The following ADRA1A variants were observed in gnomAD, a reference collection of about 807,000 sequenced individuals.
ADRA1A encodes the protein alpha-1A adrenergic receptor.
A neutral mutation model predicts 29.6 loss-of-function variants in ADRA1A; 31 were observed. The ratio of observed to expected loss-of-function variants is 1.05; its 90% CI spans 0.79 to 1.41. ADRA1A has a LOEUF of 1.41. Ranked by LOEUF, ADRA1A falls within the 40% of genes most tolerant of loss-of-function variation. The probability of loss-of-function intolerance (pLI) is 0.00; values close to 1 mark genes in which losing one functional copy is unlikely to be tolerated. For missense variants in ADRA1A, 619 were observed against 601.1 expected (o/e 1.03, Z -0.31); for synonymous variants, 311 against 254.3 (o/e 1.22, Z -2.12).
intron 2 of ADRA1A, chr8:26,836,175 C>T: frequency 4.1e-6 from 1 of 244,136 alleles, no homozygotes; most frequent in Non-Finnish European, 8.9e-6. Flanking sequence ...GTTGGGGAAG[C>T]GTCTGTCAAA....
At chr8:26,857,283 T>C (rs114287086) in intron 2 of ADRA1A, among the ~76,000 whole-genome samples, 5,816 of 152,174 alleles carry the variant, frequency 0.038, 339 homozygotes, top group African/African-American at 0.13. Context: ...CATAGAATCA[T>C]GAGACATAGA....
chr8:26,866,204 G>A lies in ADRA1A; in HGVS notation c.-686-549C>T, dbSNP rs1457909205. Among the ~76,000 whole-genome samples, 1 of 152,206 alleles carries A rather than the reference G, an allele frequency of 6.6e-6. No individual in the cohort carries two copies. The highest frequency in any genetic ancestry group is 1.5e-5 in the Non-Finnish European group (1 of 68,040). On this transcript the variant is annotated intron_variant, in intron 1 of 2. Coordinates refer to ENST00000380573, the MANE Select transcript of ADRA1A (RefSeq NM_000680.4). This position sits in a 1 kb window ranked among gnomAD's most constrained non-coding sequence, Gnocchi z 5.7. ...TGGAATTCGCACTCGGGTGTGCAGA[G>A]CGCACCGGTCTGTCCACCAGCCAAG...
chr8:26,757,946 A>G (rs902287261), intron 2 of ADRA1A, among the ~76,000 whole-genome samples: 1 of 152,196 alleles, frequency 6.6e-6, no homozygotes, highest in Non-Finnish European at 1.5e-5. Context: ...ATAACTTAAT[A>G]TACTTTCTAT....
rs1807465204 is a variant in ADRA1A, at chr8:26,787,290, A to AT, written c.884-16625dup. ...AAATTAATCACACATTCCATGTCCT[A>AT]TTTTTTCAGAAAGCAGAGACATGTG... On this transcript the variant is annotated intron_variant, in intron 2 of 2. Coordinates refer to ENST00000380573, the MANE Select transcript of ADRA1A (RefSeq NM_000680.4). This position sits in a 1 kb window ranked among gnomAD's most constrained non-coding sequence, Gnocchi z 4.2. Among the ~76,000 whole-genome samples the AT allele has an allele frequency of 1.3e-5, 2 of 152,092 alleles. No individual in the cohort carries two copies. Among genetic ancestry groups the AT allele is most frequent in the South Asian group, 4.1e-4 (2 of 4,828 alleles).
chr8:26,824,784 A>G lies in ADRA1A; in HGVS notation c.883+39303T>C, dbSNP rs1342248632. ...TGGCCAATTACCATAGCATCATTTCATTTCCTCAGAGTGACTAATACCCAG... is the reference window on the plus strand; with the variant it reads ...TGGCCAATTACCATAGCATCATTTCGTTTCCTCAGAGTGACTAATACCCAG... On this transcript the variant is annotated intron_variant, in intron 2 of 2. Coordinates refer to ENST00000380573, the MANE Select transcript of ADRA1A (RefSeq NM_000680.4). Among the ~76,000 whole-genome samples the G allele has an allele frequency of 2.0e-5, 3 of 152,344 alleles. No individual in the cohort carries two copies. The East Asian group carries it at 5.8e-4, about 29-fold the overall frequency.
chr8:26,781,968 T>G (rs538806895), intron 2 of ADRA1A, among the ~76,000 whole-genome samples: 1 of 152,108 alleles, frequency 6.6e-6, no homozygotes, highest in African/African-American at 2.4e-5. Context: ...GGAAAATGGG[T>G]TTTTGCTTCC....
chr8:26,857,613 T>C (rs1158912857), intron 2 of ADRA1A, among the ~76,000 whole-genome samples: 1 of 152,158 alleles, frequency 6.6e-6, no homozygotes, highest in Non-Finnish European at 1.5e-5. Flanking sequence ...CAGTGAGCTA[T>C]GATTACCACT....
intron 2 of ADRA1A, among the ~76,000 whole-genome samples, chr8:26,859,798 T>C (rs1813314594): frequency 6.7e-6 from 1 of 149,778 alleles, no homozygotes; most frequent in Non-Finnish European, 1.5e-5. Flanking sequence ...AGACAGAATC[T>C]CGCTCTGTCA....
downstream of ADRA1A, among the ~76,000 whole-genome samples, chr8:26,755,714 C>T (rs1389692797): frequency 6.6e-6 from 1 of 152,172 alleles, no homozygotes; most frequent in Non-Finnish European, 1.5e-5. Context: ...CACTGTATTA[C>T]CATCACAGGT....
At position 26,776,815 on chromosome 8, in the gene ADRA1A, T is replaced by C. The variant is rs1375429591; in HGVS notation, c.884-6149A>G. On this transcript the variant is annotated intron_variant, in intron 2 of 2. Transcript: ENST00000380573. Reference sequence around the variant, plus strand: ...AGAAATGAAGTTTGAATGATCTCAATTTAAAAAAATGTGGACTCCAAAGAA... The same window carrying C: ...AGAAATGAAGTTTGAATGATCTCAACTTAAAAAAATGTGGACTCCAAAGAA... 2.8e-4 allele frequency among the ~76,000 whole-genome samples: 42 copies of C among 152,218 alleles called. 1 individual carries two copies. Among genetic ancestry groups the C allele is most frequent in the Admixed American group, 2.7e-3 (42 of 15,282 alleles).
downstream of ADRA1A, among the ~76,000 whole-genome samples, chr8:26,764,521 G>C (rs140385703): frequency 9.0e-4 from 137 of 152,300 alleles, 1 homozygote; most frequent in African/African-American, 3.1e-3. Context: ...AACGTCAAGA[G>C]TGTCGAGAAA....
intron 2 of ADRA1A, among the ~76,000 whole-genome samples, chr8:26,816,796 C>G (rs974124817): frequency 1.3e-5 from 2 of 152,206 alleles, no homozygotes; most frequent in Non-Finnish European, 2.9e-5. Flanking sequence ...GGAGAAGACC[C>G]TATGAAAGCC....
chr8:26,861,033 T>C (rs1304762537), intron 2 of ADRA1A, among the ~76,000 whole-genome samples: 1 of 152,172 alleles, frequency 6.6e-6, no homozygotes, highest in African/African-American at 2.4e-5. Flanking sequence ...TTTGGTTCCA[T>C]CACTCCTCTG....
At chr8:26,788,076 AT>A (rs1485608555) in intron 2 of ADRA1A, among the ~76,000 whole-genome samples, 1 of 152,120 alleles carries the variant, frequency 6.6e-6, no homozygotes, top group African/African-American at 2.4e-5. Flanking sequence ...TTTCAAGAGA[AT>A]TTCTCTTATT....
In ADRA1A at chr8:26,831,563, G is replaced by C. The variant is rs998706487; in HGVS notation, c.883+32524C>G. ...GTGTCAGGTCACACCCAATGTCCTA[G>C]ACACTGGAGGAGGTACATCTGTGTC... is the stretch of plus-strand genomic sequence containing the variant. On this transcript the variant is annotated intron_variant, in intron 2 of 2. Coordinates refer to ENST00000380573, the MANE Select transcript of ADRA1A (RefSeq NM_000680.4). This position sits in a 1 kb window ranked among gnomAD's most constrained non-coding sequence, Gnocchi z 5.2. Among the ~76,000 whole-genome samples, 6 of 152,216 alleles carry C rather than the reference G, an allele frequency of 3.9e-5. No homozygotes were observed. The highest frequency in any genetic ancestry group is 8.8e-5 in the Non-Finnish European group (6 of 68,046).
intron 2 of ADRA1A, among the ~76,000 whole-genome samples, chr8:26,826,039 G>A (rs116458818): frequency 0.017 from 2,546 of 152,206 alleles, 73 homozygotes; most frequent in African/African-American, 0.057. Flanking sequence ...GTTCATTTTC[G>A]TCATGGAGAT....
chr8:26,797,174 A>T (rs977822506), intron 2 of ADRA1A, among the ~76,000 whole-genome samples: 1 of 152,176 alleles, frequency 6.6e-6, no homozygotes. Context: ...GACATCAAAG[A>T]CACTTGCAAA....
intron 2 of ADRA1A, among the ~76,000 whole-genome samples, chr8:26,832,203 G>A (rs1811026619): frequency 6.6e-6 from 1 of 152,180 alleles, no homozygotes; most frequent in Non-Finnish European, 1.5e-5. Context: ...GACGCTCATG[G>A]TGAGAACAAG....
chr8:26,778,385 G>A (rs1414155031), intron 2 of ADRA1A, among the ~76,000 whole-genome samples: 9 of 152,164 alleles, frequency 5.9e-5, no homozygotes, highest in Admixed American at 5.2e-4. Context: ...GAAAAAGCTA[G>A]CAATAAGGAA....
Sources: allele counts gnomAD v4.1 joint callset (sites outside exome capture counted in the v4.1 genomes callset), GRCh38; gene constraint gnomAD v4.1.1; non-coding constraint Gnocchi (gnomAD v3.1); transcripts MANE v1.5; gene names NCBI Gene and HGNC (gene_info 2026-07-23, HGNC 2026-07-21).